The following IP6K1 variants were observed in gnomAD, a reference collection of about 807,000 sequenced individuals.
IP6K1 encodes the protein ATP:1D-myo-inositol-hexakisphosphate phosphotransferase.
IP6K1 carries 13 observed loss-of-function variants against 38.3 expected under a neutral mutation model. The ratio of observed to expected loss-of-function variants is 0.34; its 90% confidence interval spans 0.22 to 0.54. IP6K1 has a LOEUF of 0.54. Among genes scored for constraint, IP6K1 ranks in the 20% least tolerant of loss-of-function variants. IP6K1 has a pLI of 0.92. For synonymous variants in IP6K1, 212 were observed against 229.9 expected, an observed-to-expected ratio of 0.92 and a Z score of 0.70; for missense variants, 397 against 599.8, an observed-to-expected ratio of 0.66 and a Z score of 3.53.
In IP6K1 at chr3:49,762,768, G is replaced by A. The variant is rs558880541; in HGVS notation, c.-128-14600C>T. Among the ~76,000 whole-genome samples the A allele has an allele frequency of 3.8e-5, 5 of 131,644 alleles. No individual in the cohort carries two copies. In the East Asian group the frequency reaches 7.9e-4, roughly 21 times the overall value. 86.4% of individuals were successfully genotyped at this position (131,644 alleles called of 152,430 possible). A position where few individuals can be genotyped will look rare whatever the true frequency, so the allele number is the denominator to read the frequency against. On this transcript the variant is annotated intron_variant, in intron 1 of 5. Transcript: ENST00000321599. ...AGTAGTTCCCAACTTGTTTTACGAG[G>A]TCAATTATTGCTTTTTTTTTTTCAG...
chr3:49,744,178 G>A (rs2080700070), intron 2 of IP6K1, among the ~76,000 whole-genome samples: 3 of 151,472 alleles, frequency 2.0e-5, no homozygotes, highest in Non-Finnish European at 4.4e-5. Flanking sequence ...CGAGGCAGGT[G>A]GATCACAAGG....
chr3:49,737,071 C>CTTTTT (rs527723899), intron 3 of IP6K1, among the ~76,000 whole-genome samples: 1 of 113,032 alleles, frequency 8.8e-6, no homozygotes, highest in Non-Finnish European at 1.8e-5. Context: ...CAAGCCTGGC[C>CTTTTT]TTTTTTTTTT....
Position 49,738,576 on chromosome 3 carries a change from A to T in IP6K1, c.224-154T>A, listed in dbSNP as rs1347261660. On this transcript the variant is annotated intron_variant, in intron 2 of 5. Coordinates refer to ENST00000321599, the MANE Select transcript of IP6K1 (RefSeq NM_153273.4). ...ATCAGAACAACAGCCAGCAGACAGT[A>T]ACTTCCAGAAAATGGATGACCGTCC... Among the ~76,000 whole-genome samples the T allele has an allele frequency of 2.6e-5, 4 of 152,208 alleles. No homozygotes were observed. In the South Asian group the frequency reaches 8.3e-4, roughly 31 times the overall value.
chr3:49,728,273 G>A lies in IP6K1; in HGVS notation c.622C>T (p.Leu208Phe). The A allele has an allele frequency of 6.2e-7, 1 of 1,612,534 alleles. No individual in the cohort carries two copies. Among genetic ancestry groups the A allele is most frequent in the Non-Finnish European group, 8.5e-7 (1 of 1,178,626 alleles). ...TGGTGCACCACGTTCTCAAGCAGGA[G>A]GAACTCTGGGCCACGGTCAAGGAGA... ...ESKDRKLYKFLLLENVVHHFK... is the reference protein window; with the variant it reads ...ESKDRKLYKFFLLENVVHHFK... The change falls in exon 5 of 6, where the codon CTC becomes TTC. Residue 208 changes from leucine to phenylalanine, a missense_variant. Around this residue, in one of 3 missense-constraint regions of IP6K1, gnomAD observed 62 missense variants for 149.2 expected, o/e 0.42. Coordinates refer to ENST00000321599, the MANE Select transcript of IP6K1 (RefSeq NM_153273.4).
chr3:49,738,184 C>CCAG, intron 3 of IP6K1, 28 bp downstream of exon 3: 2 of 1,581,054 alleles, frequency 1.3e-6, no homozygotes, highest in Non-Finnish European at 1.7e-6. Context: ...AGTGCTTGTA[C>CCAG]CAGCAGGACG....
intron 3 of IP6K1, among the ~76,000 whole-genome samples, chr3:49,735,833 G>A (rs1329162085): frequency 1.3e-5 from 2 of 152,210 alleles, no homozygotes; most frequent in Admixed American, 1.3e-4. Context: ...GAACTGATCT[G>A]ATATCACAGA....
intron 1 of IP6K1, among the ~76,000 whole-genome samples, chr3:49,763,983 C>CT (rs1272044936): frequency 3.3e-5 from 5 of 152,132 alleles, no homozygotes; most frequent in African/African-American, 4.8e-5. Context: ...GATCACGCCA[C>CT]TGCACTCCAG....
chr3:49,745,992 G>C (rs1231655115), intron 2 of IP6K1, among the ~76,000 whole-genome samples: 1 of 152,000 alleles, frequency 6.6e-6, no homozygotes, highest in African/African-American at 2.4e-5. Context: ...TTAGGAAAAA[G>C]CAAGTCAAAG....
At chr3:49,745,302 G>T (rs1266809428) in intron 2 of IP6K1, among the ~76,000 whole-genome samples, 1 of 152,208 alleles carries the variant, frequency 6.6e-6, no homozygotes, top group African/African-American at 2.4e-5. Flanking sequence ...GGAGGAGCAG[G>T]TGTGGATAAG....
intron 1 of IP6K1, among the ~76,000 whole-genome samples, chr3:49,780,978 C>T (rs1029813082): frequency 2.0e-5 from 3 of 152,026 alleles, no homozygotes; most frequent in East Asian, 3.8e-4. Context: ...TCATCTACTA[C>T]GTACAGGCGC....
chr3:49,751,794 G>A (rs1273511735), intron 1 of IP6K1, among the ~76,000 whole-genome samples: 1 of 152,190 alleles, frequency 6.6e-6, no homozygotes, highest in Non-Finnish European at 1.5e-5. Flanking sequence ...AGAACGCTAT[G>A]TATGAAAAGA....
intron 4 of IP6K1, 93 bp downstream of exon 4, chr3:49,732,698 C>T: frequency 9.8e-7 from 1 of 1,025,460 alleles, no homozygotes; most frequent in Middle Eastern, 3.3e-4. Flanking sequence ...AAGAGGGACC[C>T]TAGACAAAGA....
chr3:49,752,971 G>C (rs945794922), intron 1 of IP6K1, among the ~76,000 whole-genome samples: 1 of 151,702 alleles, frequency 6.6e-6, no homozygotes, highest in Non-Finnish European at 1.5e-5. Context: ...TGTTGGCCAG[G>C]CTGGTCTGAA....
At chr3:49,733,598 C>G (rs921946526) in intron 3 of IP6K1, among the ~76,000 whole-genome samples, 11 of 152,192 alleles carry the variant, frequency 7.2e-5, no homozygotes, top group African/African-American at 2.7e-4. Flanking sequence ...AATTCCTATA[C>G]ATGCTACAAC....
rs2080739180 is a variant in IP6K1 at position 49,748,114 on chromosome 3, G to A, written c.-74C>T. 1.3e-6 allele frequency: 2 copies of A among 1,514,696 alleles called. No individual in the cohort carries two copies. The highest frequency in any genetic ancestry group is 9.1e-7 in the Non-Finnish European group (1 of 1,095,820). The allele number at this position is 1,514,696 out of a possible 1,614,324, so 93.8% of individuals were successfully genotyped here. ...GCCACAAAAGGAGAGCTACATAGAA[G>A]GTCCTGGCCAGGTGAAAGCCAATGG... On this transcript the variant is annotated 5_prime_UTR_variant, in exon 2 of 6. Coordinates refer to ENST00000321599, the MANE Select transcript of IP6K1 (RefSeq NM_153273.4).
chr3:49,735,633 T>C (rs1396413044), intron 3 of IP6K1, among the ~76,000 whole-genome samples: 1 of 152,156 alleles, frequency 6.6e-6, no homozygotes, highest in Non-Finnish European at 1.5e-5. Flanking sequence ...GCATGAAAGA[T>C]GCAGACTGGC....
At chr3:49,775,955 G>C (rs1188266915) in intron 1 of IP6K1, among the ~76,000 whole-genome samples, 2 of 151,280 alleles carry the variant, frequency 1.3e-5, no homozygotes, top group African/African-American at 4.9e-5. Context: ...TTCTGCTTGA[G>C]GAGTTGACTG....
chr3:49,740,332 A>G (rs535807754), intron 2 of IP6K1, among the ~76,000 whole-genome samples: 31 of 151,184 alleles, frequency 2.1e-4, no homozygotes, highest in African/African-American at 7.3e-4. Flanking sequence ...CGCTTCCCAA[A>G]GTGCTAGGAT....
chr3:49,738,535 C>G (rs1701046776), intron 2 of IP6K1, 113 bp from the exon 3 acceptor site: 1 of 754,764 alleles, frequency 1.3e-6, no homozygotes, highest in African/African-American at 1.7e-5. Flanking sequence ...CTGCCCTGAA[C>G]CAACTACAGA....
Sources: gnomAD v4.1 joint callset for allele counts (sites outside exome capture counted in the v4.1 genomes callset) on GRCh38, gnomAD v4.1.1 for gene constraint, gnomAD v4.1.1 regional missense constraint, MANE v1.5 for transcripts, NCBI Gene and HGNC (gene_info 2026-07-23, HGNC 2026-07-21) for gene names.